CYB5R2: variants seen among roughly 807,000 people sequenced by gnomAD.
CYB5R2 encodes the protein cytochrome b5 reductase 2, also known as NADH-cytochrome b5 reductase 2.
In CYB5R2, 35 loss-of-function variants were observed where a neutral mutation model predicts 29.8. That is an observed-to-expected ratio of 1.17 (90% CI 0.90 to 1.56). The LOEUF (loss-of-function observed/expected upper bound fraction) is 1.56. CYB5R2 is among the 40% of genes most tolerant of loss of function. The probability of loss-of-function intolerance (pLI) is 0.00; values close to 1 mark genes in which losing one functional copy is unlikely to be tolerated. For missense variants in CYB5R2, 419 were observed against 346.7 expected (o/e 1.21, Z -1.66); for synonymous variants, 169 against 130.6 (o/e 1.29, Z -2.01).
intron 4 of CYB5R2, 62 bp downstream of exon 4, chr11:7,669,563 A>C (rs796069081): frequency 7.2e-7 from 1 of 1,380,774 alleles, no homozygotes; most frequent in African/African-American, 1.5e-5. Flanking sequence ...CTGCCCCTCC[A>C]CCCCACCACC....
At position 7,672,847 on chromosome 11, in the gene CYB5R2, C is replaced by A; in HGVS notation, c.-22G>T. 4 of 1,614,104 alleles carry A rather than the reference C, an allele frequency of 2.5e-6. No individual in the cohort carries two copies. Among genetic ancestry groups the A allele is most frequent in the African/African-American group, 1.3e-5 (1 of 75,052 alleles). ...TCATGCTCTTCAGGACCAACACGAG[C>A]ACAGTGACCCCAGTGACGGTGATGG... On this transcript the variant is annotated 5_prime_UTR_variant, in exon 2 of 9. Coordinates refer to ENST00000299498, the MANE Select transcript of CYB5R2 (RefSeq NM_016229.5).
intron 5 of CYB5R2, 143 bp from the exon 6 acceptor site, chr11:7,668,704 G>C: frequency 1.4e-6 from 1 of 734,972 alleles, no homozygotes; most frequent in South Asian, 1.5e-5. Flanking sequence ...AAGCAGGCCA[G>C]GGCAGTCTCC....
chr11:7,673,123 T>C, intron 1 of CYB5R2: 1 of 452,318 alleles, frequency 2.2e-6, no homozygotes, highest in East Asian at 5.1e-5. Flanking sequence ...TTCAGGCCCC[T>C]GGAGCAGGCA....
At chr11:7,670,099 G>A (rs1855634030) in intron 3 of CYB5R2, 2 of 218,372 alleles carry the variant, frequency 9.2e-6, no homozygotes, top group Non-Finnish European at 1.8e-5. Context: ...GGTAGCTCAC[G>A]CCTGTAATCC....
chr11:7,669,577 AGT>A (rs770447324), intron 4 of CYB5R2, 46 bp downstream of exon 4: 2 of 1,453,544 alleles, frequency 1.4e-6, no homozygotes, highest in East Asian at 4.5e-5. Flanking sequence ...CACCACCCTC[AGT>A]AGGCTTGGAA....
At chr11:7,670,390 T>C (rs969642298) in intron 3 of CYB5R2, 3 of 152,294 alleles carry the variant, frequency 2.0e-5, no homozygotes, top group Non-Finnish European at 4.4e-5. Context: ...TATTTGTCTA[T>C]TCAAGAAAAA....
chr11:7,674,025 G>A (rs1855935324), upstream of CYB5R2: 4 of 1,170,524 alleles, frequency 3.4e-6, no homozygotes, highest in African/African-American at 4.9e-5. Context: ...GCTGAGCCGT[G>A]GCGTCCTCGC....
At chr11:7,667,530 CA>C in intron 7 of CYB5R2, 197 bp downstream of exon 7, 5 of 558,496 alleles carry the variant, frequency 9.0e-6, no homozygotes, top group Non-Finnish European at 1.6e-5. Context: ...TGAGGAGACA[CA>C]AAAGAGTTAA....
chr11:7,665,980 C>T (rs369746956), intron 8 of CYB5R2: 18 of 1,433,694 alleles, frequency 1.3e-5, no homozygotes, highest in South Asian at 9.8e-5. Flanking sequence ...GTGTGAGAGG[C>T]GCGCCTGTGG....
intron 4 of CYB5R2, 96 bp downstream of exon 4, chr11:7,669,529 A>T: frequency 8.1e-7 from 1 of 1,227,890 alleles, no homozygotes; most frequent in East Asian, 2.3e-5. Context: ...TGCCTAGGGC[A>T]TATGTGCCCT....
rs778393076 is a variant in CYB5R2, at chr11:7,665,391, T to C, written c.814A>G (p.Met272Val). ...NLEKLGYTQD[M>V]IFTY ...TGGAGGTGTTAGTAGGTGAAAATCA[T>C]GTCCTGGGTATAACCCAGCTTCTCC... The change falls in exon 9 of 9, where the codon ATG (methionine) becomes GTG (valine). Residue 272 changes from methionine to valine, a missense_variant. Coordinates refer to ENST00000299498, the MANE Select transcript of CYB5R2 (RefSeq NM_016229.5). 7.6e-6 allele frequency: 12 copies of C among 1,579,884 alleles called. No homozygotes were observed. The South Asian group carries it at 1.1e-4, about 14-fold the overall frequency.
rs57207415 is a variant in CYB5R2 at position 7,672,622 on chromosome 11, GCACA to G, written c.79-103_79-100del. ...AGGAGGTCCGTTTGGCGCTATTCCA[GCACA>G]CACACACACACACACAGGGCGGCGG... is the stretch of plus-strand genomic sequence containing the variant. On this transcript the variant is annotated intron_variant, in intron 2 of 8. Transcript: ENST00000299498. 2,611 of 1,231,620 alleles carry G rather than the reference GCACA, an allele frequency of 2.1e-3. 26 individuals carry two copies. The African/African-American group carries it at 0.025, about 12-fold the overall frequency. 76.3% of individuals were successfully genotyped at this position (1,231,620 alleles called of 1,614,324 possible). A position where few individuals can be genotyped will look rare whatever the true frequency, so the allele number is the denominator to read the frequency against.
chr11:7,666,205 T>A, intron 8 of CYB5R2: 1 of 580,844 alleles, frequency 1.7e-6, no homozygotes. Flanking sequence ...TCCCTTTTGA[T>A]GTTCAGTGCA....
At position 7,672,528 on chromosome 11, in the gene CYB5R2, T is replaced by TAAAACAA. The variant is rs754945035; in HGVS notation, c.79-12_79-6dup. ...CCGGGTGTTGTGGCTGATTTTCTGA[T>TAAAACAA]AAAACAAAACATAGGCAGGTTCTGT... On this transcript the variant is annotated splice_polypyrimidine_tract_variant and splice_region_variant and intron_variant, in intron 2 of 8. Coordinates refer to ENST00000299498, the MANE Select transcript of CYB5R2 (RefSeq NM_016229.5). The TAAAACAA allele has an allele frequency of 6.2e-7, 1 of 1,614,010 alleles. No homozygotes were observed. Among genetic ancestry groups the TAAAACAA allele is most frequent in the Non-Finnish European group, 8.5e-7 (1 of 1,179,942 alleles).
intron 3 of CYB5R2, chr11:7,670,121 C>T (rs868606488): frequency 5.7e-5 from 11 of 191,628 alleles, no homozygotes; most frequent in East Asian, 1.8e-4. Flanking sequence ...AGCCCAGAGG[C>T]GGGTGGATTG....
intron 3 of CYB5R2, chr11:7,669,982 T>G: frequency 2.1e-6 from 1 of 465,402 alleles, no homozygotes; most frequent in Non-Finnish European, 3.9e-6. Flanking sequence ...AAAATGGGGG[T>G]GATATGTCTG....
At chr11:7,670,825 G>A in intron 3 of CYB5R2, 1 of 152,224 alleles carries the variant, frequency 6.6e-6, no homozygotes. Context: ...CTAGAGGCAA[G>A]AGAAAGTTTT....
Position 7,668,467 on chromosome 11 carries a change from A to G in CYB5R2, c.472+11T>C. ...CTCACTCTCTGGATGGAGCCCCTAG[A>G]AGCCTCTTACCTGTGCCCCCAGCAA... is the stretch of plus-strand genomic sequence containing the variant. On this transcript the variant is annotated intron_variant, in intron 6 of 8. Transcript: ENST00000299498. 1 of 1,610,022 alleles carries G rather than the reference A, an allele frequency of 6.2e-7. No individual in the cohort carries two copies.
At chr11:7,669,760 A>G in intron 3 of CYB5R2, 29 bp from the exon 4 acceptor site, 1 of 1,526,216 alleles carries the variant, frequency 6.6e-7, no homozygotes, top group Non-Finnish European at 9.1e-7. Flanking sequence ...GCACTGAGTC[A>G]AAGCATATTT....
Sources: allele counts gnomAD v4.1 joint callset, GRCh38; gene constraint gnomAD v4.1.1; transcripts MANE v1.5; gene names NCBI Gene and HGNC (gene_info 2026-07-23, HGNC 2026-07-21).